The following NALF1 variants were observed in gnomAD, a reference collection of about 807,000 sequenced individuals.
NALF1 encodes family with sequence similarity 155 member A.
A neutral mutation model predicts 48.4 loss-of-function variants in NALF1; 3 were observed. That is an observed-to-expected ratio of 0.06 (90% CI 0.03 to 0.16). The LOEUF (loss-of-function observed/expected upper bound fraction) is 0.16, where lower values mean the gene tolerates loss of function less well. NALF1 is among the 10% of genes least tolerant of loss of function. The pLI is 1.00. For synonymous variants in NALF1, 262 were observed against 245.7 expected (o/e 1.07, Z -0.62); for missense variants, 526 against 571.5 (o/e 0.92, Z 0.81).
At chr13:107,794,570 A>T (rs1878356113) in intron 1 of NALF1, among the ~76,000 whole-genome samples, 1 of 151,724 alleles carries the variant, frequency 6.6e-6, no homozygotes, top group Non-Finnish European at 1.5e-5. Context: ...AAAAAAAGAA[A>T]AAAAAAGAAT....
intron 1 of NALF1, among the ~76,000 whole-genome samples, chr13:107,675,911 C>T (rs1302075014): frequency 6.6e-6 from 1 of 152,128 alleles, no homozygotes; most frequent in Non-Finnish European, 1.5e-5. Flanking sequence ...AAGGTAAGAA[C>T]TTCCCTTCTC....
chr13:107,214,275 A>G (rs943493021), intron 1 of NALF1, among the ~76,000 whole-genome samples: 4 of 152,204 alleles, frequency 2.6e-5, no homozygotes, highest in Non-Finnish European at 5.9e-5. Context: ...CTAAATCTTA[A>G]AAGTAATAAA....
chr13:107,217,890 A>G (rs1431290227), intron 1 of NALF1, among the ~76,000 whole-genome samples: 3 of 152,028 alleles, frequency 2.0e-5, no homozygotes, highest in African/African-American at 7.3e-5. Flanking sequence ...CAGTTAGAGC[A>G]ATCTATAGAA....
At chr13:107,302,563 A>T (rs542922624) in intron 1 of NALF1, among the ~76,000 whole-genome samples, 1 of 152,338 alleles carries the variant, frequency 6.6e-6, no homozygotes, top group Admixed American at 6.5e-5. Context: ...TGGGGCTCCA[A>T]TGGAAATGAG....
At chr13:107,224,312 C>A (rs1880056818) in intron 1 of NALF1, among the ~76,000 whole-genome samples, 2 of 151,444 alleles carry the variant, frequency 1.3e-5, no homozygotes, top group Admixed American at 6.6e-5. Context: ...GTAATAAAAT[C>A]TGGTCATTTA....
At chr13:107,318,633 C>T (rs567805066) in intron 1 of NALF1, among the ~76,000 whole-genome samples, 21 of 152,138 alleles carry the variant, frequency 1.4e-4, no homozygotes, top group African/African-American at 2.9e-4. Flanking sequence ...CTCTTGATAG[C>T]GCAACTTGGA....
At chr13:107,367,100 G>A (rs570822268) in intron 1 of NALF1, among the ~76,000 whole-genome samples, 19 of 152,290 alleles carry the variant, frequency 1.2e-4, no homozygotes, top group South Asian at 4.1e-4. Flanking sequence ...GCAGAAAAGC[G>A]AAAAGTAAGG....
intron 1 of NALF1, among the ~76,000 whole-genome samples, chr13:107,493,379 T>A (rs74967024): frequency 0.022 from 3,412 of 152,204 alleles, 59 homozygotes; most frequent in Middle Eastern, 0.041. Context: ...CTCTCTTGGG[T>A]GTGCTGCAGT....
At chr13:107,420,144 C>T (rs142366837) in intron 1 of NALF1, among the ~76,000 whole-genome samples, 2 of 152,230 alleles carry the variant, frequency 1.3e-5, no homozygotes, top group East Asian at 3.9e-4. Context: ...ATGAATGCTA[C>T]TAAAGAGAAT....
chr13:107,274,266 G>A (rs1881234333), intron 1 of NALF1, among the ~76,000 whole-genome samples: 2 of 152,074 alleles, frequency 1.3e-5, no homozygotes, highest in South Asian at 4.1e-4. Flanking sequence ...TAACGCAACT[G>A]TAACAGGATA....
intron 1 of NALF1, among the ~76,000 whole-genome samples, chr13:107,517,975 G>A (rs960156343): frequency 1.3e-5 from 2 of 151,948 alleles, no homozygotes; most frequent in Admixed American, 1.3e-4. Flanking sequence ...AAAACTTAAC[G>A]TAAGCTCAAA....
chr13:107,807,794 C>T (rs1182740466), intron 1 of NALF1, among the ~76,000 whole-genome samples: 2 of 152,082 alleles, frequency 1.3e-5, no homozygotes, highest in Non-Finnish European at 2.9e-5. Context: ...TATTGTAAAA[C>T]GCAAATGTTT....
intron 1 of NALF1, among the ~76,000 whole-genome samples, chr13:107,699,094 T>C (rs1881760283): frequency 6.6e-6 from 1 of 152,148 alleles, no homozygotes; most frequent in Non-Finnish European, 1.5e-5. Context: ...AAATATCATT[T>C]CCTTAGCGTT....
intron 1 of NALF1, among the ~76,000 whole-genome samples, chr13:107,555,666 G>A (rs1296957324): frequency 6.6e-6 from 1 of 151,416 alleles, no homozygotes; most frequent in Non-Finnish European, 1.5e-5. Context: ...ATTCACTTTG[G>A]GTAACAATCA....
intron 1 of NALF1, among the ~76,000 whole-genome samples, chr13:107,850,263 C>T (rs953383242): frequency 2.0e-5 from 3 of 151,978 alleles, no homozygotes; most frequent in Non-Finnish European, 4.4e-5. Flanking sequence ...TGCTGTCTCT[C>T]CACATATCAA....
At chr13:107,468,626 G>A (rs929376347) in intron 1 of NALF1, among the ~76,000 whole-genome samples, 8 of 152,156 alleles carry the variant, frequency 5.3e-5, no homozygotes, top group Admixed American at 2.6e-4. Flanking sequence ...TTAAAGCTCC[G>A]GATATAAAAT....
At chr13:107,557,599 T>C (rs750726738) in intron 1 of NALF1, among the ~76,000 whole-genome samples, 3 of 152,156 alleles carry the variant, frequency 2.0e-5, no homozygotes, top group African/African-American at 4.8e-5. Context: ...TCTGGAAAAC[T>C]GATAATGGTC....
chr13:107,271,316 T>A (rs1881159860), intron 1 of NALF1, among the ~76,000 whole-genome samples: 2 of 152,040 alleles, frequency 1.3e-5, no homozygotes, highest in South Asian at 4.2e-4. Context: ...TTAGAAAGAG[T>A]TGAACCCTGC....
chr13:107,414,952 A>G (rs1176304626), intron 1 of NALF1, among the ~76,000 whole-genome samples: 1 of 150,984 alleles, frequency 6.6e-6, no homozygotes, highest in Admixed American at 6.7e-5. Context: ...ACAGTGTTCT[A>G]GAAGCAAGCG....
Sources: allele counts gnomAD v4.1 joint callset (sites outside exome capture counted in the v4.1 genomes callset), GRCh38; gene constraint gnomAD v4.1.1; transcripts MANE v1.5; gene names NCBI Gene and HGNC (gene_info 2026-07-23, HGNC 2026-07-21).